TRAPPC12: variants seen among roughly 807,000 people sequenced by gnomAD.
The protein encoded by TRAPPC12 is TPR repeat protein 15.
A neutral mutation model predicts 69.2 loss-of-function variants in TRAPPC12; 61 were observed. The observed-to-expected ratio is 0.88, with a 90% CI of 0.72 to 1.09. The LOEUF is 1.09. TRAPPC12 is among the 50% of genes least tolerant of loss of function. TRAPPC12 has a pLI of 0.00. For missense variants in TRAPPC12, 1,101 were observed against 1,016.4 expected, an observed-to-expected ratio of 1.08 and a Z score of -1.13; for synonymous variants, 469 against 438.9, an observed-to-expected ratio of 1.07 and a Z score of -0.86.
At chr2:3,402,612 A>G (rs12613745) in intron 3 of TRAPPC12, among the ~76,000 whole-genome samples, 46,285 of 152,196 alleles carry the variant, frequency 0.3, 7,577 homozygotes, top group East Asian at 0.43. Context: ...ATAAAAATAA[A>G]AAAACATTAG....
Position 3,417,330 on chromosome 2 carries a change from C to G in TRAPPC12, c.1165-4551C>G, listed in dbSNP as rs899538656. Reference sequence around the variant, plus strand: ...CCTCTAGGGAGCAGCCACGGCTCCCCCCACCGCCCCCGCTGCCTGCTGCTC... The same window carrying G: ...CCTCTAGGGAGCAGCCACGGCTCCCGCCACCGCCCCCGCTGCCTGCTGCTC... On this transcript the variant is annotated intron_variant, in intron 3 of 11. Transcript: ENST00000324266. Among the ~76,000 whole-genome samples, 6 of 152,212 alleles carry G rather than the reference C, an allele frequency of 3.9e-5. No individual in the cohort carries two copies. The East Asian group carries it at 1.2e-3, about 29-fold the overall frequency.
chr2:3,417,023 G>A (rs975327425), intron 3 of TRAPPC12, among the ~76,000 whole-genome samples: 1 of 151,856 alleles, frequency 6.6e-6, no homozygotes, highest in Non-Finnish European at 1.5e-5. Flanking sequence ...CTCCCTCTCT[G>A]GGTCACCTCT....
intron 2 of TRAPPC12, 29 bp downstream of exon 2, chr2:3,388,699 C>T (rs2103432551): frequency 1.3e-6 from 2 of 1,503,440 alleles, no homozygotes; most frequent in Non-Finnish European, 1.8e-6. Flanking sequence ...CCTCCGCAGC[C>T]CGTGCCTCCT....
chr2:3,443,689 G>T (rs1306503640), intron 5 of TRAPPC12, 90 bp from the exon 6 acceptor site: 1 of 899,344 alleles, frequency 1.1e-6, no homozygotes, highest in Non-Finnish European at 1.8e-6. Context: ...CTTCTGCTGG[G>T]ACATCTGCGA....
chr2:3,400,112 T>G (rs548090632), intron 2 of TRAPPC12, among the ~76,000 whole-genome samples: 1 of 152,326 alleles, frequency 6.6e-6, no homozygotes, highest in African/African-American at 2.4e-5. Flanking sequence ...TGTCAGCAGC[T>G]GCTGCGGGCC....
intron 11 of TRAPPC12, 48 bp from the exon 12 acceptor site, chr2:3,479,171 G>A (rs534352627): frequency 1.9e-5 from 30 of 1,588,736 alleles, no homozygotes; most frequent in Admixed American, 5.1e-5. Context: ...ATGGGCGGGC[G>A]TCTGTCCTGG....
intron 3 of TRAPPC12, among the ~76,000 whole-genome samples, chr2:3,418,406 C>T (rs1662572365): frequency 6.6e-6 from 1 of 152,186 alleles, no homozygotes; most frequent in Non-Finnish European, 1.5e-5. Context: ...CAGACGCAAG[C>T]CACTCGCGGG....
At chr2:3,453,510 A>G (rs553588014) in intron 6 of TRAPPC12, among the ~76,000 whole-genome samples, 2 of 152,176 alleles carry the variant, frequency 1.3e-5, no homozygotes, top group East Asian at 1.9e-4. Context: ...TCTTCCTCCT[A>G]TGCCCTCGCC....
intron 3 of TRAPPC12, among the ~76,000 whole-genome samples, chr2:3,420,234 G>A (rs919451820): frequency 6.6e-6 from 1 of 152,094 alleles, no homozygotes; most frequent in South Asian, 2.1e-4. Flanking sequence ...AGGAAACTGA[G>A]ATGCCTGCAG....
intron 2 of TRAPPC12, among the ~76,000 whole-genome samples, chr2:3,390,460 G>T (rs764602869): frequency 1.3e-5 from 2 of 152,180 alleles, no homozygotes; most frequent in Admixed American, 6.5e-5. Context: ...AGGGTGGTTT[G>T]TAATTGCAAA....
chr2:3,436,948 C>T (rs1663832438), intron 5 of TRAPPC12, among the ~76,000 whole-genome samples: 1 of 138,258 alleles, frequency 7.2e-6, no homozygotes, highest in African/African-American at 2.8e-5. Context: ...GATTAATCCC[C>T]CAATCACCCC....
chr2:3,386,668 G>C (rs534105331), intron 1 of TRAPPC12, among the ~76,000 whole-genome samples: 2 of 145,030 alleles, frequency 1.4e-5, no homozygotes, highest in East Asian at 4.7e-4. Flanking sequence ...CACTGTATCA[G>C]ATTTCCAGAG....
At chr2:3,435,602 A>T (rs1304509709) in intron 5 of TRAPPC12, among the ~76,000 whole-genome samples, 1 of 152,192 alleles carries the variant, frequency 6.6e-6, no homozygotes, top group Non-Finnish European at 1.5e-5. Context: ...TTGGAGGAGG[A>T]GGATCTGAGC....
intron 11 of TRAPPC12, 120 bp downstream of exon 11, chr2:3,479,053 C>A: frequency 6.8e-7 from 1 of 1,472,718 alleles, no homozygotes; most frequent in Non-Finnish European, 9.3e-7. Flanking sequence ...CAGCTCCAGG[C>A]AGTGGCTGTG....
At position 3,387,908 on chromosome 2, in the gene TRAPPC12, A is replaced by C; in HGVS notation, c.285A>C (p.Gly95=). The change falls in exon 2 of 12, where the codon GGA becomes GGC. Residue 95 remains glycine, a synonymous_variant. Transcript: ENST00000324266. ...GAGTGCGGGACGAAGCTGAGCCCGG[A>C]GGGGAAGGCGACCCAGGCCCGGAGC... ...LGRVRDEAEP[G]GEGDPGPEPA... is the part of the protein sequence containing the mutation. 1 of 1,545,670 alleles carries C rather than the reference A, an allele frequency of 6.5e-7. No individual in the cohort carries two copies. The highest frequency in any genetic ancestry group is 8.7e-7 in the Non-Finnish European group (1 of 1,145,168).
Position 3,415,396 on chromosome 2 carries a change from CTTCTTTTCTT to C in TRAPPC12, c.1165-6467_1165-6458del, listed in dbSNP as rs56696245. On this transcript the variant is annotated intron_variant, in intron 3 of 11. Coordinates refer to ENST00000324266, the MANE Select transcript of TRAPPC12 (RefSeq NM_016030.6). ...TTCAGTAGGTTAGATGGTGCATTCA[CTTCTTTTCTT>C]TTCTTTTCTTTTCTTTTGAGACAGA... Among the ~76,000 whole-genome samples the C allele has an allele frequency of 3.8e-4, 57 of 150,572 alleles. No homozygotes were observed. In the South Asian group the frequency reaches 6.1e-3, roughly 16 times the overall value.
At chr2:3,457,024 G>A (rs536446947) in intron 6 of TRAPPC12, 64 of 453,420 alleles carry the variant, frequency 1.4e-4, no homozygotes, top group Non-Finnish European at 2.1e-4. Flanking sequence ...GTCGCCCCAC[G>A]CCATAGGGAC....
chr2:3,409,456 A>G (rs970386361), intron 3 of TRAPPC12, among the ~76,000 whole-genome samples: 3 of 152,198 alleles, frequency 2.0e-5, no homozygotes, highest in Admixed American at 1.3e-4. Context: ...TTATACAAAG[A>G]AAATCATCTG....
intron 3 of TRAPPC12, among the ~76,000 whole-genome samples, chr2:3,404,112 C>A (rs1251536765): frequency 1.3e-5 from 2 of 152,180 alleles, no homozygotes; most frequent in African/African-American, 2.4e-5. Flanking sequence ...CCACCTGGAA[C>A]CCCTTTGCCT....
Sources: allele counts gnomAD v4.1 joint callset (sites outside exome capture counted in the v4.1 genomes callset), GRCh38; gene constraint gnomAD v4.1.1; transcripts MANE v1.5; gene names NCBI Gene and HGNC (gene_info 2026-07-23, HGNC 2026-07-21).